Variants in ERC2 observed in about 807,000 individuals in gnomAD.
ERC2 encodes the protein ERC protein 2.
ERC2 carries 42 observed loss-of-function variants against 114.8 expected under a neutral mutation model. That is an observed-to-expected ratio of 0.37 (90% CI 0.29 to 0.47). The LOEUF (loss-of-function observed/expected upper bound fraction) is 0.47, where lower values mean the gene tolerates loss of function less well. Among genes scored for constraint, ERC2 ranks in the 20% least tolerant of loss-of-function variants. The pLI is 0.99. For synonymous variants in ERC2, 454 were observed against 425.5 expected, an observed-to-expected ratio of 1.07 and a Z score of -0.82; for missense variants, 939 against 1,150.7, an observed-to-expected ratio of 0.82 and a Z score of 2.66.
intron 13 of ERC2, among the ~76,000 whole-genome samples, chr3:55,893,086 C>T (rs2063688264): frequency 6.6e-6 from 1 of 152,078 alleles, no homozygotes; most frequent in South Asian, 2.1e-4. Context: ...CAGCAGTTTG[C>T]AACCCAGGAG....
chr3:55,990,759 T>C (rs1047964899), intron 11 of ERC2, among the ~76,000 whole-genome samples: 2 of 152,218 alleles, frequency 1.3e-5, no homozygotes, highest in Non-Finnish European at 2.9e-5. Context: ...ATGATATACA[T>C]GTTCCACTTT....
chr3:56,285,364 G>C (rs1299402194), intron 3 of ERC2, among the ~76,000 whole-genome samples: 2 of 151,800 alleles, frequency 1.3e-5, no homozygotes, highest in African/African-American at 2.4e-5. Context: ...CTGGGGAAGA[G>C]TGTAAGTGCT....
chr3:55,943,829 A>G (rs1376626502), intron 13 of ERC2, among the ~76,000 whole-genome samples: 1 of 152,212 alleles, frequency 6.6e-6, no homozygotes, highest in Non-Finnish European at 1.5e-5. Flanking sequence ...CCTCAAAATA[A>G]GCCCATAGAT....
chr3:55,930,343 C>T (rs957140539), intron 13 of ERC2, among the ~76,000 whole-genome samples: 9 of 152,170 alleles, frequency 5.9e-5, no homozygotes, highest in Non-Finnish European at 1.5e-5. Context: ...GAGATTACCA[C>T]AGAAGTCAGG....
At chr3:56,219,585 T>C (rs2049755778) in intron 3 of ERC2, among the ~76,000 whole-genome samples, 2 of 145,588 alleles carry the variant, frequency 1.4e-5, no homozygotes, top group South Asian at 2.1e-4. Flanking sequence ...ACTGCTCTGA[T>C]AGAAAAAGAG....
At chr3:56,320,092 C>T (rs142173716) in intron 2 of ERC2, among the ~76,000 whole-genome samples, 1 of 152,248 alleles carries the variant, frequency 6.6e-6, no homozygotes, top group East Asian at 1.9e-4. Context: ...TCAGGAGTTC[C>T]TCCAAGGGAA....
In ERC2 at chr3:55,950,865, G is replaced by A. The variant is rs181351714; in HGVS notation, c.2268-305C>T. Among the ~76,000 whole-genome samples, 839 of 152,276 alleles carry A rather than the reference G, an allele frequency of 5.5e-3. 4 individuals carry two copies. Among genetic ancestry groups the A allele is most frequent in the Non-Finnish European group, 7.8e-3 (530 of 68,016 alleles). On this transcript the variant is annotated intron_variant, in intron 12 of 17. Transcript: ENST00000288221. Reference sequence around the variant, plus strand: ...GGAAACACAACTTAGGTTTCTTAACGTTGAAGGAAACAAATAGCATGCTGT... The same window carrying A: ...GGAAACACAACTTAGGTTTCTTAACATTGAAGGAAACAAATAGCATGCTGT...
At chr3:55,750,939 C>T (rs2066662546) in intron 14 of ERC2, among the ~76,000 whole-genome samples, 1 of 152,006 alleles carries the variant, frequency 6.6e-6, no homozygotes. Context: ...ATTAAAATGA[C>T]CCTTTCTCAA....
chr3:56,102,246 G>A (rs1341816970), intron 6 of ERC2, among the ~76,000 whole-genome samples: 1 of 152,122 alleles, frequency 6.6e-6, no homozygotes, highest in Admixed American at 6.5e-5. Flanking sequence ...CCCATCCCCA[G>A]GGGCAGCCAG....
At chr3:55,556,405 C>T (rs766700554) in intron 17 of ERC2, among the ~76,000 whole-genome samples, 2 of 152,210 alleles carry the variant, frequency 1.3e-5, no homozygotes, top group Non-Finnish European at 2.9e-5. Flanking sequence ...ATTCACCTTA[C>T]TTCCAGGAAG....
intron 6 of ERC2, among the ~76,000 whole-genome samples, chr3:56,095,948 C>T (rs1022411173): frequency 1.3e-5 from 2 of 152,134 alleles, no homozygotes; most frequent in African/African-American, 4.8e-5. Context: ...CTTGACTCCT[C>T]AAGGTCAAAT....
chr3:55,980,313 C>A (rs1322880497), intron 12 of ERC2, among the ~76,000 whole-genome samples: 1 of 151,980 alleles, frequency 6.6e-6, no homozygotes, highest in African/African-American at 2.4e-5. Context: ...TTATACGTAA[C>A]AACAATGTAT....
rs759463005 is a variant in ERC2 at position 56,149,079 on chromosome 3, GATCTC to G, written c.1198_1202del (p.Glu400ProfsTer12). 2 of 1,612,982 alleles carry G rather than the reference GATCTC, an allele frequency of 1.2e-6. No individual in the cohort carries two copies. On this transcript the variant is annotated frameshift_variant, in exon 5 of 18. Transcript: ENST00000288221. LOFTEE classifies it high-confidence loss of function. ...GCACACCATTGGCTTTTAACATCTG[GATCTC>G]ATCCTCAAGATCCCTTATGTTTCGT...
chr3:55,617,612 T>C (rs908933359), intron 17 of ERC2, among the ~76,000 whole-genome samples: 1 of 152,186 alleles, frequency 6.6e-6, no homozygotes, highest in African/African-American at 2.4e-5. Context: ...TCTGCCAAGA[T>C]GATAAACTCC....
intron 6 of ERC2, among the ~76,000 whole-genome samples, chr3:56,128,017 A>G (rs956967571): frequency 6.6e-6 from 1 of 152,172 alleles, no homozygotes; most frequent in Non-Finnish European, 1.5e-5. Flanking sequence ...CGGAGGTTGC[A>G]GTGAGCTGAG....
At chr3:55,699,186 A>T (rs1441971424) in intron 16 of ERC2, among the ~76,000 whole-genome samples, 192 bp downstream of exon 16, 1 of 152,212 alleles carries the variant, frequency 6.6e-6, no homozygotes, top group Non-Finnish European at 1.5e-5. Flanking sequence ...GAAAAGACAA[A>T]ACCTTAAAGA....
At chr3:56,396,649 A>C (rs1560745297) in intron 2 of ERC2, among the ~76,000 whole-genome samples, 2 of 152,162 alleles carry the variant, frequency 1.3e-5, no homozygotes, top group Non-Finnish European at 2.9e-5. Flanking sequence ...CCATTTTCTA[A>C]ATTACACATA....
intron 3 of ERC2, among the ~76,000 whole-genome samples, chr3:56,207,017 G>C (rs948532109): frequency 6.6e-6 from 1 of 152,150 alleles, no homozygotes; most frequent in Non-Finnish European, 1.5e-5. Flanking sequence ...GCAAAATAAA[G>C]AGTGACTTTA....
intron 1 of ERC2, among the ~76,000 whole-genome samples, chr3:56,451,583 C>T (rs1023075827): frequency 6.6e-6 from 1 of 152,152 alleles, no homozygotes; most frequent in Non-Finnish European, 1.5e-5. Flanking sequence ...GAATGGTATA[C>T]AGAAACCCCC....
Sources: allele counts gnomAD v4.1 joint callset (sites outside exome capture counted in the v4.1 genomes callset), GRCh38; gene constraint gnomAD v4.1.1; transcripts MANE v1.5; gene names NCBI Gene and HGNC (gene_info 2026-07-23, HGNC 2026-07-21).